The following DIP2C variants were observed in gnomAD, a reference collection of about 807,000 sequenced individuals.
DIP2C encodes the protein DIP2 acetate--CoA ligase C (putative).
In DIP2C, 33 loss-of-function variants were observed where a neutral mutation model predicts 192.4. That is an observed-to-expected ratio of 0.17 (90% CI 0.13 to 0.23). The LOEUF (loss-of-function observed/expected upper bound fraction) is 0.23. DIP2C is among the 10% of genes least tolerant of loss of function. The probability of loss-of-function intolerance (pLI) is 1.00; values close to 1 mark genes in which losing one functional copy is unlikely to be tolerated. For synonymous variants in DIP2C, 979 were observed against 864.1 expected (o/e 1.13, Z -2.33); for missense variants, 1,537 against 2,110.1 (o/e 0.73, Z 5.32).
intron 1 of DIP2C, among the ~76,000 whole-genome samples, chr10:553,854 G>A (rs1048479675): frequency 2.0e-5 from 3 of 149,576 alleles, no homozygotes; most frequent in African/African-American, 7.4e-5. Context: ...AAACGTATAC[G>A]CTTGTAACTA....
At chr10:619,570 C>T (rs1853733399) in intron 1 of DIP2C, among the ~76,000 whole-genome samples, 1 of 140,038 alleles carries the variant, frequency 7.1e-6, no homozygotes, top group South Asian at 2.2e-4. Flanking sequence ...CACGCACTCC[C>T]GTGCGAGCTA....
At chr10:407,526 C>A (rs1487991306) in intron 9 of DIP2C, among the ~76,000 whole-genome samples, 1 of 152,170 alleles carries the variant, frequency 6.6e-6, no homozygotes, top group Non-Finnish European at 1.5e-5. Flanking sequence ...GGAGAGGCTG[C>A]ACCATTTTAC....
At chr10:608,172 CCACACACACCCCACA>C (rs1181038396) in intron 1 of DIP2C, among the ~76,000 whole-genome samples, 1 of 47,216 alleles carries the variant, frequency 2.1e-5, no homozygotes, top group Non-Finnish European at 3.3e-5. Flanking sequence ...ACAGCCCCCC[CCACACACACCCCACA>C]CACACAGCCC....
At chr10:561,464 C>T (rs1014468502) in intron 1 of DIP2C, among the ~76,000 whole-genome samples, 4 of 152,192 alleles carry the variant, frequency 2.6e-5, no homozygotes, top group Non-Finnish European at 5.9e-5. Context: ...AGAGTCTCAG[C>T]AACAACGCAA....
At chr10:650,553 AT>A in intron 1 of DIP2C, 1 of 647,586 alleles carries the variant, frequency 1.5e-6, no homozygotes, top group Middle Eastern at 2.6e-4. Context: ...GTCCCTGAGA[AT>A]GGGATGCAGA....
At chr10:547,926 T>C (rs1003709319) in intron 1 of DIP2C, among the ~76,000 whole-genome samples, 2 of 152,122 alleles carry the variant, frequency 1.3e-5, no homozygotes, top group Non-Finnish European at 2.9e-5. Flanking sequence ...GGGTCACCCT[T>C]ATCTCTCATT....
chr10:576,954 T>C (rs541787320), intron 1 of DIP2C, among the ~76,000 whole-genome samples: 1 of 152,148 alleles, frequency 6.6e-6, no homozygotes, highest in Non-Finnish European at 1.5e-5. Flanking sequence ...TGAAAACTAA[T>C]TGCCAAGGTC....
chr10:279,316 T>C (rs1954688582), intron 36 of DIP2C, among the ~76,000 whole-genome samples: 1 of 152,160 alleles, frequency 6.6e-6, no homozygotes. Context: ...TTTGGTATAC[T>C]TTTATTACGG....
At chr10:524,561 C>A (rs1311670258) in intron 1 of DIP2C, among the ~76,000 whole-genome samples, 3 of 152,098 alleles carry the variant, frequency 2.0e-5, no homozygotes, top group African/African-American at 7.2e-5. Flanking sequence ...GATTTCAAAT[C>A]TCAAAGATCT....
intron 31 of DIP2C, among the ~76,000 whole-genome samples, chr10:314,463 C>T (rs1956692150): frequency 6.6e-6 from 1 of 152,206 alleles, no homozygotes; most frequent in African/African-American, 2.4e-5. Context: ...GCTAACTCAT[C>T]TTTCTAAACT....
At chr10:389,811 T>C (rs974965525) in intron 13 of DIP2C, among the ~76,000 whole-genome samples, 180 bp downstream of exon 13, 7 of 152,234 alleles carry the variant, frequency 4.6e-5, no homozygotes, top group African/African-American at 1.7e-4. Flanking sequence ...AGCCGCCCAG[T>C]CTGTAGTATT....
At chr10:379,423 T>C (rs540219956) in intron 17 of DIP2C, among the ~76,000 whole-genome samples, 2 of 151,818 alleles carry the variant, frequency 1.3e-5, no homozygotes, top group East Asian at 3.9e-4. Flanking sequence ...CTTGCAAGAG[T>C]GATATGAAGA....
At chr10:480,665 C>T (rs2133513253) in intron 2 of DIP2C, among the ~76,000 whole-genome samples, 1 of 151,852 alleles carries the variant, frequency 6.6e-6, no homozygotes, top group East Asian at 1.9e-4. Flanking sequence ...GGCTCAGCTG[C>T]ACTCCCTCCA....
At chr10:662,731 T>C in intron 1 of DIP2C, 1 of 593,056 alleles carries the variant, frequency 1.7e-6, no homozygotes, top group South Asian at 2.3e-5. Context: ...GAGGAAATAA[T>C]TTTTAAAGGT....
At chr10:490,865 T>A (rs1483592534) in intron 1 of DIP2C, among the ~76,000 whole-genome samples, 2 of 152,116 alleles carry the variant, frequency 1.3e-5, no homozygotes, top group African/African-American at 4.8e-5. Context: ...AAGTCCTACT[T>A]TGGAAGTGAA....
chr10:395,332 G>A (rs1246790924), intron 10 of DIP2C, among the ~76,000 whole-genome samples: 1 of 152,150 alleles, frequency 6.6e-6, no homozygotes, highest in Non-Finnish European at 1.5e-5. Flanking sequence ...TAAGCAAGGT[G>A]ACAGATATGT....
At chr10:441,410 G>A (rs2133270921) in intron 3 of DIP2C, among the ~76,000 whole-genome samples, 2 of 152,238 alleles carry the variant, frequency 1.3e-5, no homozygotes, top group East Asian at 3.9e-4. Context: ...CCAGCCACAG[G>A]CCAGGACTGT....
intron 3 of DIP2C, among the ~76,000 whole-genome samples, chr10:468,728 T>C (rs1178017510): frequency 6.6e-6 from 1 of 151,842 alleles, no homozygotes; most frequent in African/African-American, 2.4e-5. Context: ...ACCACAGAGA[T>C]CACACCATTG....
chr10:302,027 T>C (rs1956076725), intron 32 of DIP2C, among the ~76,000 whole-genome samples: 1 of 152,194 alleles, frequency 6.6e-6, no homozygotes, highest in South Asian at 2.1e-4. Context: ...AAAGCCCTAC[T>C]GTCCCTTACC....
Sources: gnomAD v4.1 joint callset for allele counts (sites outside exome capture counted in the v4.1 genomes callset) on GRCh38, gnomAD v4.1.1 for gene constraint, MANE v1.5 for transcripts, NCBI Gene and HGNC (gene_info 2026-07-23, HGNC 2026-07-21) for gene names.